Variants in CNTNAP2 observed in about 807,000 individuals in gnomAD.
CNTNAP2 encodes the protein contactin associated protein 2.
In CNTNAP2, 98 loss-of-function variants were observed where a neutral mutation model predicts 155.2. The observed-to-expected ratio is 0.63, with a 90% CI of 0.54 to 0.75. The LOEUF (loss-of-function observed/expected upper bound fraction) is 0.75. CNTNAP2 is among the 30% of genes least tolerant of loss of function. The pLI is 0.00. For missense variants in CNTNAP2, 1,727 were observed against 1,688.1 expected (o/e 1.02, Z -0.40); for synonymous variants, 651 against 631.2 (o/e 1.03, Z -0.47).
At chr7:146,252,234 C>A (rs1364256136) in intron 1 of CNTNAP2, among the ~76,000 whole-genome samples, 1 of 152,210 alleles carries the variant, frequency 6.6e-6, no homozygotes, top group African/African-American at 2.4e-5. Flanking sequence ...GGTTCTGATG[C>A]TTATTCCTCC....
At chr7:147,290,191 A>G (rs1208478797) in intron 8 of CNTNAP2, among the ~76,000 whole-genome samples, 1 of 152,184 alleles carries the variant, frequency 6.6e-6, no homozygotes, top group Non-Finnish European at 1.5e-5. Context: ...AAGTTACTGT[A>G]TTTAATATTT....
chr7:147,108,815 G>A (rs938168701), intron 5 of CNTNAP2, among the ~76,000 whole-genome samples: 1 of 152,104 alleles, frequency 6.6e-6, no homozygotes, highest in Non-Finnish European at 1.5e-5. Context: ...AGACTGCTCT[G>A]GGGAGAAAAT....
At position 148,413,815 on chromosome 7, in the gene CNTNAP2, T is replaced by C. The variant is rs192460200; in HGVS notation, c.3797-1602T>C. On this transcript the variant is annotated intron_variant, in intron 23 of 23. Transcript: ENST00000361727. Reference sequence around the variant, plus strand: ...TGATGAATTCACCCTTTTGTCATTATGAAATGTTCTTCATTTCTACTAACA... The same window carrying C: ...TGATGAATTCACCCTTTTGTCATTACGAAATGTTCTTCATTTCTACTAACA... Among the ~76,000 whole-genome samples the C allele has an allele frequency of 9.0e-5, 12 of 133,038 alleles. No homozygotes were observed. The East Asian group carries it at 2.5e-3, about 27-fold the overall frequency. The allele number at this position is 133,038 out of a possible 152,430, so 87.3% of individuals were successfully genotyped here.
chr7:146,448,301 A>G lies in CNTNAP2; in HGVS notation c.98-325970A>G, dbSNP rs144933575. 5.4e-3 allele frequency among the ~76,000 whole-genome samples: 824 copies of G among 152,142 alleles called. 8 individuals are homozygous for G. Among genetic ancestry groups the G allele is most frequent in the Middle Eastern group, 0.044 (13 of 294 alleles). On this transcript the variant is annotated intron_variant, in intron 1 of 23. Transcript: ENST00000361727. The stretch of plus-strand genomic sequence containing the variant: ...AAGACAAAACAGCTTGTCATTCCAT[A>G]AAGTGGCTACTACAATTGGGTCTCC...
intron 1 of CNTNAP2, among the ~76,000 whole-genome samples, chr7:146,754,342 T>C (rs779515523): frequency 6.6e-6 from 1 of 151,550 alleles, no homozygotes; most frequent in Non-Finnish European, 1.5e-5. Context: ...CAACATAAGG[T>C]AGAACATTTT....
At chr7:148,234,441 C>T (rs1437446152) in intron 20 of CNTNAP2, among the ~76,000 whole-genome samples, 1 of 152,210 alleles carries the variant, frequency 6.6e-6, no homozygotes, top group African/African-American at 2.4e-5. Flanking sequence ...TGAAACATTA[C>T]AAATTTCGAC....
In CNTNAP2 at chr7:147,560,919, A is replaced by G. The variant is rs1800050499; in HGVS notation, c.1778-1219A>G. The stretch of plus-strand genomic sequence containing the variant: ...GAACTTGGTAGAGGAAGGTTAAAAA[A>G]GGGAGGTCCCAGAATCAGACCACCC... On this transcript the variant is annotated intron_variant, in intron 11 of 23. Coordinates refer to ENST00000361727, the MANE Select transcript of CNTNAP2 (RefSeq NM_014141.6). Among the ~76,000 whole-genome samples, 3 of 151,428 alleles carry G rather than the reference A, an allele frequency of 2.0e-5. No homozygotes were observed. In the South Asian group the frequency reaches 6.3e-4, roughly 32 times the overall value.
At chr7:146,395,869 G>A (rs1213331371) in intron 1 of CNTNAP2, among the ~76,000 whole-genome samples, 5 of 150,852 alleles carry the variant, frequency 3.3e-5, no homozygotes, top group African/African-American at 4.9e-5. Flanking sequence ...AGATGGACAG[G>A]TATGTAGTTT....
intron 2 of CNTNAP2, among the ~76,000 whole-genome samples, chr7:146,824,708 T>C (rs1803365941): frequency 6.6e-6 from 1 of 152,102 alleles, no homozygotes. Context: ...CAGTATGCTT[T>C]TTGTTATAAT....
intron 14 of CNTNAP2, among the ~76,000 whole-genome samples, chr7:147,946,365 A>G (rs1413552616): frequency 6.6e-6 from 1 of 152,066 alleles, no homozygotes; most frequent in Non-Finnish European, 1.5e-5. Flanking sequence ...AACCCAAGGG[A>G]CAATGACATG....
At chr7:146,263,412 T>A (rs990257353) in intron 1 of CNTNAP2, among the ~76,000 whole-genome samples, 1 of 152,224 alleles carries the variant, frequency 6.6e-6, no homozygotes, top group Non-Finnish European at 1.5e-5. Context: ...CATTGTCTTC[T>A]CTTCTTCAAT....
At chr7:147,396,182 CAT>C (rs58129350) in intron 10 of CNTNAP2, among the ~76,000 whole-genome samples, 1,644 of 145,402 alleles carry the variant, frequency 0.011, 29 homozygotes, top group African/African-American at 0.039. Flanking sequence ...ATATATATAG[CAT>C]ATATATATAT....
At chr7:148,128,503 A>G (rs796247367) in intron 16 of CNTNAP2, among the ~76,000 whole-genome samples, 6 of 152,326 alleles carry the variant, frequency 3.9e-5, no homozygotes, top group African/African-American at 1.2e-4. Flanking sequence ...GTGCTATATT[A>G]AAGCTTTTCA....
intron 12 of CNTNAP2, among the ~76,000 whole-genome samples, chr7:147,587,789 C>G (rs886566126): frequency 2.6e-5 from 4 of 152,048 alleles, no homozygotes; most frequent in African/African-American, 9.7e-5. Flanking sequence ...ATTTGAAGAC[C>G]CTGGCATTTG....
chr7:148,101,571 T>G (rs1346613036), intron 15 of CNTNAP2, among the ~76,000 whole-genome samples: 1 of 152,206 alleles, frequency 6.6e-6, no homozygotes, highest in Non-Finnish European at 1.5e-5. Flanking sequence ...CATAAAGTTC[T>G]GCAGAAGTGA....
chr7:146,685,939 G>A (rs1494447), intron 1 of CNTNAP2, among the ~76,000 whole-genome samples: 90,864 of 151,908 alleles, frequency 0.6, 31,214 homozygotes, highest in South Asian at 0.85. Context: ...AATGTATTTG[G>A]TTCTTCTACT....
chr7:147,849,621 A>G (rs1798886578), intron 13 of CNTNAP2, among the ~76,000 whole-genome samples: 1 of 152,224 alleles, frequency 6.6e-6, no homozygotes, highest in African/African-American at 2.4e-5. Context: ...AGAAACATGC[A>G]AAGAAACCTC....
chr7:147,590,460 T>G (rs1248502565), intron 12 of CNTNAP2, among the ~76,000 whole-genome samples: 1 of 152,102 alleles, frequency 6.6e-6, no homozygotes, highest in African/African-American at 2.4e-5. Flanking sequence ...TAGCACTCAT[T>G]CTCTCTCCTG....
At chr7:147,460,794 A>G (rs1005351245) in intron 10 of CNTNAP2, among the ~76,000 whole-genome samples, 1 of 152,230 alleles carries the variant, frequency 6.6e-6, no homozygotes, top group Admixed American at 6.5e-5. Flanking sequence ...ACCATTAGAT[A>G]CCATCTGATG....
Sources: allele counts gnomAD v4.1 joint callset (sites outside exome capture counted in the v4.1 genomes callset), GRCh38; gene constraint gnomAD v4.1.1; transcripts MANE v1.5; gene names NCBI Gene and HGNC (gene_info 2026-07-23, HGNC 2026-07-21).